USP7: variants seen among roughly 807,000 people sequenced by gnomAD.
USP7 encodes ubiquitin specific peptidase 7, also known as ubiquitin C-terminal hydrolase 7.
Under a neutral mutation model 162.9 loss-of-function variants are expected in USP7, and 9 were observed. The observed-to-expected ratio is 0.06, with a 90% confidence interval of 0.03 to 0.10. The LOEUF (loss-of-function observed/expected upper bound fraction) is 0.10. USP7 is among the 10% of genes least tolerant of loss of function. The probability of loss-of-function intolerance (pLI) is 1.00; values close to 1 mark genes in which losing one functional copy is unlikely to be tolerated. For missense variants in USP7, 715 were observed against 1,373.7 expected, an observed-to-expected ratio of 0.52 and a Z score of 7.58; for synonymous variants, 562 against 475.9, an observed-to-expected ratio of 1.18 and a Z score of -2.35.
intron 1 of USP7, among the ~76,000 whole-genome samples, chr16:8,941,148 C>A (rs1345979963): frequency 7.2e-5 from 11 of 152,170 alleles, no homozygotes; most frequent in Admixed American, 5.9e-4. Flanking sequence ...CCATGAGGAC[C>A]CCCCGCCCCA....
In USP7 at chr16:8,951,692, G is replaced by C. The variant is rs534967229; in HGVS notation, c.79+11515C>G. ...CTGAGACGCTGTGCACCTGCACCCT[G>C]AGCCCTCGCAGACAAGACTCAGGCC... On this transcript the variant is annotated intron_variant, in intron 1 of 30. Transcript: ENST00000344836. Among the ~76,000 whole-genome samples, 3 of 152,330 alleles carry C rather than the reference G, an allele frequency of 2.0e-5. No homozygotes were observed. In the East Asian group the frequency reaches 5.8e-4, roughly 29 times the overall value.
At chr16:8,914,947 T>G (rs529952287) in intron 10 of USP7, among the ~76,000 whole-genome samples, 3 of 152,184 alleles carry the variant, frequency 2.0e-5, no homozygotes, top group Non-Finnish European at 4.4e-5. Flanking sequence ...AAATACATCC[T>G]ACTACAAGGT....
In USP7 at chr16:8,963,059, C is replaced by CCGGGCCG. The variant is rs1567253642; in HGVS notation, c.79+147_79+148insCGGCCCG. The CCGGGCCG allele has an allele frequency of 9.7e-6, 5 of 516,756 alleles. No homozygotes were observed. The East Asian group carries it at 3.1e-4, about 33-fold the overall frequency. The allele number at this position is 516,756 out of a possible 1,614,324, so 32.0% of individuals were successfully genotyped here. A position where few individuals can be genotyped will look rare whatever the true frequency, so the allele number is the denominator to read the frequency against. Reference sequence around the variant, plus strand: ...GACCCGGCATGACTTTGCAGCCTCGCAGGCCGGGGCCGGGAGGCCAGGCCG... The same window carrying CCGGGCCG: ...GACCCGGCATGACTTTGCAGCCTCGCCGGGCCGAGGCCGGGGCCGGGAGGCCAGGCCG... On this transcript the variant is annotated intron_variant, in intron 1 of 30. Coordinates refer to ENST00000344836, the MANE Select transcript of USP7 (RefSeq NM_003470.3).
chr16:8,894,481 C>G, intron 30 of USP7, 69 bp downstream of exon 30: 1 of 1,521,832 alleles, frequency 6.6e-7, no homozygotes, highest in South Asian at 1.2e-5. Context: ...GGCTGCCCCT[C>G]CCAGCCCCAG....
At chr16:8,947,933 G>T (rs1052467428) in intron 1 of USP7, among the ~76,000 whole-genome samples, 2 of 152,152 alleles carry the variant, frequency 1.3e-5, no homozygotes, top group Non-Finnish European at 2.9e-5. Flanking sequence ...TATGCCTGGG[G>T]ATTTCTCTGT....
At chr16:8,909,994 G>A (rs926135086) in intron 11 of USP7, among the ~76,000 whole-genome samples, 3 of 152,188 alleles carry the variant, frequency 2.0e-5, no homozygotes, top group African/African-American at 4.8e-5. Flanking sequence ...TAGCAGAAGA[G>A]TACATTTGGA....
At position 8,892,398 on chromosome 16, in the gene USP7, T is replaced by A. The variant is rs1189998614; in HGVS notation, c.*1600A>T. 6.6e-6 allele frequency: 1 copy of A among 152,064 alleles called. No individual in the cohort carries two copies. Among genetic ancestry groups the A allele is most frequent in the Non-Finnish European group, 1.5e-5 (1 of 68,084 alleles). 9.4% of individuals were successfully genotyped at this position (152,064 alleles called of 1,614,324 possible). A position where few individuals can be genotyped will look rare whatever the true frequency, so the allele number is the denominator to read the frequency against. ...GTTGAGAAAGGAAGTCACTCCAAGG[T>A]ACACACTGGCCCAAAGACCAGGAAA... On this transcript the variant is annotated 3_prime_UTR_variant, in exon 31 of 31. Coordinates refer to ENST00000344836, the MANE Select transcript of USP7 (RefSeq NM_003470.3).
intron 1 of USP7, among the ~76,000 whole-genome samples, chr16:8,953,638 C>T (rs113860336): frequency 1.1e-3 from 18 of 16,394 alleles, no homozygotes; most frequent in Admixed American, 2.7e-3. Flanking sequence ...GCGGCGCCAC[C>T]GGAAGCAGAG....
At chr16:8,900,006 CCCCT>C in intron 21 of USP7, 1 of 562,866 alleles carries the variant, frequency 1.8e-6, no homozygotes. Context: ...AAAACAAAAC[CCCCT>C]TAGGTAACAG....
intron 12 of USP7, 146 bp from the exon 13 acceptor site, chr16:8,906,728 C>A (rs957766029): frequency 2.7e-6 from 2 of 732,214 alleles, no homozygotes; most frequent in South Asian, 3.9e-5. Context: ...AAGTACATAA[C>A]GTAATCCGTA....
intron 1 of USP7, among the ~76,000 whole-genome samples, chr16:8,936,399 A>G (rs1298145136): frequency 2.0e-5 from 3 of 152,188 alleles, no homozygotes; most frequent in Non-Finnish European, 2.9e-5. Flanking sequence ...TCATTTAAAT[A>G]TATGACTTAA....
At chr16:8,919,709 C>T (rs1450477339) in intron 5 of USP7, among the ~76,000 whole-genome samples, 6 of 150,164 alleles carry the variant, frequency 4.0e-5, no homozygotes, top group Non-Finnish European at 8.9e-5. Flanking sequence ...AAAAGGAAGC[C>T]ACAGAGAACG....
chr16:8,914,028 A>G (rs2061991989), intron 10 of USP7, among the ~76,000 whole-genome samples: 1 of 152,030 alleles, frequency 6.6e-6, no homozygotes, highest in Admixed American at 6.6e-5. Flanking sequence ...ATGAGCGACC[A>G]CACCCATCCT....
intron 30 of USP7, 29 bp downstream of exon 30, chr16:8,894,521 C>T: frequency 6.7e-7 from 1 of 1,501,610 alleles, no homozygotes; most frequent in Non-Finnish European, 8.9e-7. Flanking sequence ...GAAACCCACA[C>T]CAGCCCCCGG....
At chr16:8,935,764 T>C (rs1232389807) in intron 1 of USP7, 4 of 152,194 alleles carry the variant, frequency 2.6e-5, no homozygotes, top group African/African-American at 9.6e-5. Flanking sequence ...AAACACCAAG[T>C]AGGCTCCCTG....
At chr16:8,953,115 T>C (rs1899634480) in intron 1 of USP7, among the ~76,000 whole-genome samples, 1 of 152,116 alleles carries the variant, frequency 6.6e-6, no homozygotes. Context: ...ATTACAGGTG[T>C]GAGCCACTAT....
intron 1 of USP7, among the ~76,000 whole-genome samples, chr16:8,931,096 C>A (rs1326221000): frequency 1.3e-5 from 2 of 151,900 alleles, no homozygotes; most frequent in Non-Finnish European, 2.9e-5. Context: ...TAAAACAATT[C>A]TACAGCCAAT....
chr16:8,909,488 T>C (rs762468109), intron 11 of USP7, among the ~76,000 whole-genome samples: 1 of 152,210 alleles, frequency 6.6e-6, no homozygotes, highest in Non-Finnish European at 1.5e-5. Flanking sequence ...GTCTGAAAGA[T>C]AAAAGGATTC....
chr16:8,917,569 G>C (rs1401796637), intron 6 of USP7, among the ~76,000 whole-genome samples: 1 of 152,080 alleles, frequency 6.6e-6, no homozygotes, highest in Non-Finnish European at 1.5e-5. Context: ...AGGAGAGACA[G>C]GGTTTTGCCA....
Sources: gnomAD v4.1 joint callset for allele counts (sites outside exome capture counted in the v4.1 genomes callset) on GRCh38, gnomAD v4.1.1 for gene constraint, MANE v1.5 for transcripts, NCBI Gene and HGNC (gene_info 2026-07-23, HGNC 2026-07-21) for gene names.